The following FAM120A variants were observed in gnomAD, a reference collection of about 807,000 sequenced individuals.
FAM120A encodes the protein constitutive coactivator of PPAR-gamma-like protein 1.
Under a neutral mutation model 109.7 loss-of-function variants are expected in FAM120A, and 15 were observed. That is an observed-to-expected ratio of 0.14 (90% CI 0.09 to 0.21). FAM120A has a LOEUF of 0.21. Ranked by LOEUF, FAM120A falls within the 10% of genes least tolerant of loss-of-function variation. FAM120A has a pLI of 1.00. For synonymous variants in FAM120A, 493 were observed against 572.8 expected, an observed-to-expected ratio of 0.86 and a Z score of 1.99; for missense variants, 899 against 1,439.3, an observed-to-expected ratio of 0.62 and a Z score of 6.07.
Position 93,516,152 on chromosome 9 carries a change from C to T in FAM120A, c.1301C>T (p.Ser434Phe). 1 of 1,614,028 alleles carries T rather than the reference C, an allele frequency of 6.2e-7. No homozygotes were observed. The highest frequency in any genetic ancestry group is 1.1e-5 in the South Asian group (1 of 91,082). Residue 434 changes from serine (S) to phenylalanine (F), a missense_variant, in exon 7 of 18, where the codon TCC becomes TTC. This residue lies in a region of FAM120A where 31 missense variants were observed against 71.8 expected (regional missense o/e 0.43). Transcript: ENST00000277165. ...AAGCACACGCCGCTGTATGAGCGGT[C>T]CTCGCCCATCAACCCGGCCCAGAGC... ...EGKHTPLYER[S>F]SPINPAQSGS...
Position 93,533,443 on chromosome 9 carries a change from A to G in FAM120A, c.1909+1114A>G, listed in dbSNP as rs866242463. Among the ~76,000 whole-genome samples the G allele has an allele frequency of 5.3e-5, 8 of 152,290 alleles. 1 individual carries two copies. The highest frequency in any genetic ancestry group is 1.9e-4 in the East Asian group (1 of 5,172). On this transcript the variant is annotated intron_variant, in intron 10 of 17. Coordinates refer to ENST00000277165, the MANE Select transcript of FAM120A (RefSeq NM_014612.5). ...GTGTGACTGTCACTGGCAGGAGGTGATGCTCGCTCTGCAGGGCTGTGAGCA... is the reference window on the plus strand; with the variant it reads ...GTGTGACTGTCACTGGCAGGAGGTGGTGCTCGCTCTGCAGGGCTGTGAGCA...
At chr9:93,460,798 A>G (rs1450743385) in intron 1 of FAM120A, among the ~76,000 whole-genome samples, 1 of 152,232 alleles carries the variant, frequency 6.6e-6, no homozygotes, top group Non-Finnish European at 1.5e-5. Flanking sequence ...GATGGCAGAA[A>G]GATGGTAGGA....
At chr9:93,508,885 C>T (rs1000841768) in intron 5 of FAM120A, among the ~76,000 whole-genome samples, 1 of 152,144 alleles carries the variant, frequency 6.6e-6, no homozygotes, top group Non-Finnish European at 1.5e-5. Context: ...AATAACATAC[C>T]CCCCAGAATC....
In FAM120A at chr9:93,532,081, G is replaced by A. The variant is rs1861351197; in HGVS notation, c.1735-74G>A. 3 of 1,343,866 alleles carry A rather than the reference G, an allele frequency of 2.2e-6. No homozygotes were observed. In the African/African-American group the frequency reaches 4.3e-5, roughly 19 times the overall value. The allele number at this position is 1,343,866 out of a possible 1,614,324, so 83.2% of individuals were successfully genotyped here. ...AATGTCATTAACTGGAGATAATACAGTATATTTCTGTGAGTGTATTGTAAA... is the reference window on the plus strand; with the variant it reads ...AATGTCATTAACTGGAGATAATACAATATATTTCTGTGAGTGTATTGTAAA... On this transcript the variant is annotated intron_variant, in intron 9 of 17. Coordinates refer to ENST00000277165, the MANE Select transcript of FAM120A (RefSeq NM_014612.5). This position sits in a 1 kb window ranked among gnomAD's most constrained non-coding sequence, Gnocchi z 4.3.
chr9:93,471,488 C>T, intron 2 of FAM120A, 101 bp downstream of exon 2: 1 of 1,447,278 alleles, frequency 6.9e-7, no homozygotes, highest in Non-Finnish European at 9.4e-7. Flanking sequence ...GGATATGTAT[C>T]ACACATTGAA....
intron 7 of FAM120A, among the ~76,000 whole-genome samples, chr9:93,516,629 G>A (rs921476249): frequency 1.6e-4 from 25 of 152,106 alleles, no homozygotes; most frequent in African/African-American, 5.3e-4. Context: ...GCCGACCCCC[G>A]AAACATTAAT....
At chr9:93,484,610 G>T (rs1221067649) in intron 3 of FAM120A, among the ~76,000 whole-genome samples, 1 of 152,060 alleles carries the variant, frequency 6.6e-6, no homozygotes, top group Admixed American at 6.5e-5. Context: ...GTCTTGCTCT[G>T]TCACCCAGGC....
chr9:93,557,681 G>T (rs1862334253), intron 13 of FAM120A, 146 bp from the exon 14 acceptor site: 5 of 803,040 alleles, frequency 6.2e-6, no homozygotes, highest in Non-Finnish European at 9.5e-6. Flanking sequence ...ATAAACGTTA[G>T]CAAGTAGGAG....
At position 93,451,752 on chromosome 9, in the gene FAM120A, G is replaced by A; in HGVS notation, c.-164G>A. The A allele has an allele frequency of 2.0e-6, 2 of 983,498 alleles. No homozygotes were observed. Among genetic ancestry groups the A allele is most frequent in the Non-Finnish European group, 2.4e-6 (2 of 830,398 alleles). 60.9% of individuals were successfully genotyped at this position (983,498 alleles called of 1,614,324 possible). On this transcript the variant is annotated 5_prime_UTR_variant, in exon 1 of 18. Transcript: ENST00000277165. ...TCCCCAGACATGGCCCTGGGAGGCGGCAGCACATGGCGGCCGCGGCGGCCA... is the reference window on the plus strand; with the variant it reads ...TCCCCAGACATGGCCCTGGGAGGCGACAGCACATGGCGGCCGCGGCGGCCA...
chr9:93,516,281 G>A lies in FAM120A; in HGVS notation c.1418+12G>A, dbSNP rs1476790351. 1.1e-5 allele frequency: 17 copies of A among 1,604,444 alleles called. No homozygotes were observed. Among genetic ancestry groups the A allele is most frequent in the Middle Eastern group, 1.7e-4 (1 of 5,990 alleles). ...GGAGGGGCGACAAAGTGAGTGGTGC[G>A]TGGGTCGCTGGGTGCTTCCTGGCGG... is the stretch of plus-strand genomic sequence containing the variant. On this transcript the variant is annotated intron_variant, in intron 7 of 17. Coordinates refer to ENST00000277165, the MANE Select transcript of FAM120A (RefSeq NM_014612.5).
At chr9:93,509,825 A>G (rs552265629) in intron 5 of FAM120A, among the ~76,000 whole-genome samples, 3 of 152,242 alleles carry the variant, frequency 2.0e-5, no homozygotes, top group Non-Finnish European at 4.4e-5. Context: ...TTAATAAAAA[A>G]GAGATGCTTC....
rs376600533 is a variant in FAM120A at position 93,562,324 on chromosome 9, T to C, written c.3045+20T>C. 1.9e-5 allele frequency: 31 copies of C among 1,592,482 alleles called. No homozygotes were observed. The highest frequency in any genetic ancestry group is 2.5e-5 in the Non-Finnish European group (29 of 1,160,848). ...ATTCAGGTAAGAAGACAACATGATG[T>C]TTGTGCCAGTTCAATGCCCTCAGGG... On this transcript the variant is annotated intron_variant, in intron 17 of 17. Transcript: ENST00000277165.
intron 3 of FAM120A, among the ~76,000 whole-genome samples, chr9:93,487,590 C>T (rs533600598): frequency 6.6e-6 from 1 of 152,234 alleles, no homozygotes; most frequent in Non-Finnish European, 1.5e-5. Flanking sequence ...GAGTCAAACC[C>T]AAAGGAAATC....
intron 5 of FAM120A, among the ~76,000 whole-genome samples, chr9:93,502,151 A>G (rs1240362692): frequency 1.3e-5 from 2 of 152,194 alleles, no homozygotes; most frequent in Non-Finnish European, 2.9e-5. Flanking sequence ...TGAAGAACCA[A>G]TGTGGGGATA....
Position 93,527,240 on chromosome 9 carries a change from A to G in FAM120A, c.1504A>G (p.Lys502Glu). ...QARGDPGDQTKAEGSSTASSG... is the reference protein window; with the variant it reads ...QARGDPGDQTEAEGSSTASSG... ...ACGAGGAGACCCAGGAGACCAAACAAAGGTAGAAAGTCTATGCCTTTTAGT... is the reference window on the plus strand; with the variant it reads ...ACGAGGAGACCCAGGAGACCAAACAGAGGTAGAAAGTCTATGCCTTTTAGT... The change falls in exon 8 of 18, where the codon AAG (lysine) becomes GAG (glutamate). Residue 502 changes from lysine (K) to glutamate (E), a missense_variant and splice_region_variant. Physicochemically the swap from Lys to Glu is moderately conservative, Grantham distance 56. Coordinates refer to ENST00000277165, the MANE Select transcript of FAM120A (RefSeq NM_014612.5). 6.2e-7 allele frequency: 1 copy of G among 1,613,520 alleles called. No individual in the cohort carries two copies. The highest frequency in any genetic ancestry group is 1.3e-5 in the African/African-American group (1 of 75,038).
chr9:93,475,094 A>G (rs10761229), intron 2 of FAM120A, among the ~76,000 whole-genome samples: 40,987 of 152,202 alleles, frequency 0.27, 6,597 homozygotes, highest in East Asian at 0.43. Flanking sequence ...GAAGTATTTT[A>G]GAGTATTTGC....
intron 1 of FAM120A, among the ~76,000 whole-genome samples, chr9:93,465,033 GTAGCT>G (rs144354122): frequency 0.011 from 1,614 of 152,310 alleles, 34 homozygotes; most frequent in African/African-American, 0.036. Flanking sequence ...GAGTGAGAGA[GTAGCT>G]TAGTATAGGA....
At chr9:93,544,158 CT>C (rs1861802347) in intron 11 of FAM120A, among the ~76,000 whole-genome samples, 1 of 152,214 alleles carries the variant, frequency 6.6e-6, no homozygotes, top group African/African-American at 2.4e-5. Flanking sequence ...CTGCCTTATC[CT>C]TACGCACATT....
intron 3 of FAM120A, among the ~76,000 whole-genome samples, chr9:93,483,411 A>G (rs949709061): frequency 3.3e-5 from 5 of 151,834 alleles, no homozygotes; most frequent in Non-Finnish European, 5.9e-5. Flanking sequence ...TCTATTGGGG[A>G]AAAAAAGAGA....
Sources: gnomAD v4.1 joint callset for allele counts (sites outside exome capture counted in the v4.1 genomes callset) on GRCh38, gnomAD v4.1.1 for gene constraint, gnomAD v4.1.1 regional missense constraint, Gnocchi (gnomAD v3.1) non-coding constraint, MANE v1.5 for transcripts, NCBI Gene and HGNC (gene_info 2026-07-23, HGNC 2026-07-21) for gene names.